ARL15: variants seen among roughly 807,000 people sequenced by gnomAD.
ARL15 encodes ARF like GTPase 15, also known as ADP-ribosylation factor-like protein 15.
ARL15 carries 19 observed loss-of-function variants against 25.2 expected under a neutral mutation model. The observed-to-expected ratio is 0.75, with a 90% CI of 0.53 to 1.10. The LOEUF (loss-of-function observed/expected upper bound fraction) is 1.10, where lower values mean the gene tolerates loss of function less well. Among genes scored for constraint, ARL15 ranks in the 50% least tolerant of loss-of-function variants. The probability of loss-of-function intolerance (pLI) is 0.00; values close to 1 mark genes in which losing one functional copy is unlikely to be tolerated. For missense variants in ARL15, 220 were observed against 246.0 expected, an observed-to-expected ratio of 0.89 and a Z score of 0.71; for synonymous variants, 94 against 86.8, an observed-to-expected ratio of 1.08 and a Z score of -0.46.
At chr5:54,172,538 G>A (rs1754750718) in intron 1 of ARL15, among the ~76,000 whole-genome samples, 1 of 151,962 alleles carries the variant, frequency 6.6e-6, no homozygotes, top group African/African-American at 2.4e-5. Flanking sequence ...AATGTACTGT[G>A]GTTATGTAAG....
At chr5:54,051,818 G>T (rs572186298) in intron 4 of ARL15, among the ~76,000 whole-genome samples, 6 of 152,104 alleles carry the variant, frequency 3.9e-5, no homozygotes, top group African/African-American at 7.2e-5. Flanking sequence ...TAAAACTTAC[G>T]TTCACACAAA....
At chr5:54,140,106 CATCTTAA>C (rs2112306274) in intron 3 of ARL15, among the ~76,000 whole-genome samples, 1 of 152,226 alleles carries the variant, frequency 6.6e-6, no homozygotes, top group African/African-American at 2.4e-5. Context: ...GACTACTATC[CATCTTAA>C]AGTCCACAGT....
At chr5:53,939,608 G>A (rs1447773412) in intron 4 of ARL15, among the ~76,000 whole-genome samples, 1 of 151,864 alleles carries the variant, frequency 6.6e-6, no homozygotes, top group Non-Finnish European at 1.5e-5. Context: ...GGTGGGGCGC[G>A]CCTGTAGTCC....
At chr5:54,286,866 CTTT>C (rs529169299) in intron 1 of ARL15, among the ~76,000 whole-genome samples, 7 of 126,206 alleles carry the variant, frequency 5.5e-5, no homozygotes, top group Admixed American at 8.1e-5. Context: ...ATTTGCAGGG[CTTT>C]TTTTTTTTTT....
At chr5:54,227,039 C>T (rs760466679) in intron 1 of ARL15, among the ~76,000 whole-genome samples, 15 of 152,186 alleles carry the variant, frequency 9.9e-5, no homozygotes, top group Non-Finnish European at 2.2e-4. Context: ...GATTGTGTGG[C>T]CTCCCTAGCC....
chr5:54,187,551 G>T (rs927486373), intron 1 of ARL15, among the ~76,000 whole-genome samples: 1 of 152,216 alleles, frequency 6.6e-6, no homozygotes, highest in African/African-American at 2.4e-5. Context: ...ATGGCTAAGA[G>T]TCAGTCTGAA....
In ARL15 at chr5:54,306,725, A is replaced by G. The variant is rs533067898; in HGVS notation, c.48+3707T>C. On this transcript the variant is annotated intron_variant, in intron 1 of 4. Coordinates refer to ENST00000504924, the MANE Select transcript of ARL15 (RefSeq NM_019087.3). ...GTTAACATTTTATATTTGAAAAGCA[A>G]CGTACTGTTTACAAATGGCTTTCCC... 5.9e-5 allele frequency among the ~76,000 whole-genome samples: 9 copies of G among 151,754 alleles called. 1 individual carries two copies.
chr5:54,177,483 C>T (rs942085960), intron 1 of ARL15, among the ~76,000 whole-genome samples: 34 of 152,134 alleles, frequency 2.2e-4, no homozygotes, highest in African/African-American at 8.2e-4. Context: ...TAAGGACTTG[C>T]ATTTCAGTCT....
chr5:54,215,634 A>G (rs1031763894), intron 1 of ARL15, among the ~76,000 whole-genome samples: 4 of 54,798 alleles, frequency 7.3e-5, no homozygotes, highest in Non-Finnish European at 2.7e-4. Context: ...GAGGGGGGGA[A>G]AAAGGAACTG....
intron 1 of ARL15, among the ~76,000 whole-genome samples, chr5:54,221,078 C>A (rs961972157): frequency 3.9e-5 from 6 of 152,188 alleles, no homozygotes; most frequent in African/African-American, 1.4e-4. Flanking sequence ...AGGAAAGAAT[C>A]TCCACCTTTT....
chr5:54,042,810 G>C (rs1004773057), intron 4 of ARL15, among the ~76,000 whole-genome samples: 8 of 152,188 alleles, frequency 5.3e-5, no homozygotes, highest in Admixed American at 4.6e-4. Flanking sequence ...GTCACCAAGT[G>C]GGGGTGGGGT....
At chr5:54,079,437 T>G (rs1052284126) in intron 4 of ARL15, among the ~76,000 whole-genome samples, 1 of 152,180 alleles carries the variant, frequency 6.6e-6, no homozygotes, top group Admixed American at 6.5e-5. Flanking sequence ...TTCTTTTCAC[T>G]TGCAAACCTA....
At chr5:53,916,779 G>T (rs1014487292) in intron 4 of ARL15, among the ~76,000 whole-genome samples, 1 of 152,052 alleles carries the variant, frequency 6.6e-6, no homozygotes. Flanking sequence ...AACACAAGAA[G>T]GCCCAAGGCA....
chr5:54,308,331 G>A (rs1404515879), intron 1 of ARL15, among the ~76,000 whole-genome samples: 1 of 152,206 alleles, frequency 6.6e-6, no homozygotes, highest in Non-Finnish European at 1.5e-5. Context: ...CCAAAGAGTA[G>A]CCACTGGCTT....
intron 4 of ARL15, among the ~76,000 whole-genome samples, chr5:53,985,432 T>G (rs1748261464): frequency 6.6e-6 from 1 of 152,216 alleles, no homozygotes; most frequent in Admixed American, 6.5e-5. Context: ...CTTTTAAAAC[T>G]GAAACTCTTA....
At chr5:53,942,674 A>G (rs1299465641) in intron 4 of ARL15, among the ~76,000 whole-genome samples, 1 of 152,086 alleles carries the variant, frequency 6.6e-6, no homozygotes, top group Non-Finnish European at 1.5e-5. Context: ...TGAACCCAGG[A>G]GGTGGAGGTT....
rs542486841 is a variant in ARL15, at chr5:53,919,905, G to A, written c.463-33192C>T. Among the ~76,000 whole-genome samples the A allele has an allele frequency of 4.6e-5, 7 of 152,256 alleles. No homozygotes were observed. The South Asian group carries it at 8.3e-4, about 18-fold the overall frequency. ...TTTTCTAATCAAGTAATCTTGAACC[G>A]ACGAGTCAGTAAATGTCTTTAGCTT... On this transcript the variant is annotated intron_variant, in intron 4 of 4. Transcript: ENST00000504924.
intron 4 of ARL15, among the ~76,000 whole-genome samples, chr5:53,989,727 A>G (rs1036489084): frequency 1.2e-4 from 18 of 152,316 alleles, no homozygotes; most frequent in Non-Finnish European, 2.2e-4. Context: ...ACAGGTACAC[A>G]ATGCCAAAGA....
chr5:53,916,554 A>C (rs906724722), intron 4 of ARL15, among the ~76,000 whole-genome samples: 1 of 152,284 alleles, frequency 6.6e-6, no homozygotes, highest in East Asian at 1.9e-4. Flanking sequence ...TTCAGAACAC[A>C]AAGTATTATT....
Sources: gnomAD v4.1 joint callset for allele counts (sites outside exome capture counted in the v4.1 genomes callset) on GRCh38, gnomAD v4.1.1 for gene constraint, MANE v1.5 for transcripts, NCBI Gene and HGNC (gene_info 2026-07-23, HGNC 2026-07-21) for gene names.